Variants in IL12RB2 observed in about 807,000 individuals in gnomAD.
The protein encoded by IL12RB2 is interleukin-12 receptor subunit beta-2.
IL12RB2 carries 82 observed loss-of-function variants against 89.4 expected under a neutral mutation model. The ratio of observed to expected loss-of-function variants is 0.92; its 90% confidence interval spans 0.77 to 1.10. The LOEUF is 1.10. Among genes scored for constraint, IL12RB2 ranks in the 50% least tolerant of loss-of-function variants. The pLI, the probability that IL12RB2 is intolerant of heterozygous loss-of-function variation, is 0.00. For missense variants in IL12RB2, 963 were observed against 1,031.9 expected, an observed-to-expected ratio of 0.93 and a Z score of 0.92; for synonymous variants, 368 against 370.1, an observed-to-expected ratio of 0.99 and a Z score of 0.07.
chr1:67,341,223 TC>T (rs1351388632), intron 9 of IL12RB2, among the ~76,000 whole-genome samples: 5 of 151,942 alleles, frequency 3.3e-5, no homozygotes, highest in Non-Finnish European at 7.4e-5. Flanking sequence ...TTTGAGACCA[TC>T]CTGGCAGACA....
At chr1:67,382,721 T>TTTC (rs1426492979) in intron 14 of IL12RB2, among the ~76,000 whole-genome samples, 1 of 151,590 alleles carries the variant, frequency 6.6e-6, no homozygotes, top group Non-Finnish European at 1.5e-5. Flanking sequence ...TTTTTTTTTT[T>TTTC]TTGAGACAGG....
chr1:67,310,801 T>C (rs1654947795), intron 1 of IL12RB2, among the ~76,000 whole-genome samples: 1 of 152,218 alleles, frequency 6.6e-6, no homozygotes, highest in Non-Finnish European at 1.5e-5. Context: ...CTTGGCTCAC[T>C]GCAACCTCTG....
At chr1:67,312,995 A>G (rs1655285341) in intron 1 of IL12RB2, among the ~76,000 whole-genome samples, 1 of 152,268 alleles carries the variant, frequency 6.6e-6, no homozygotes, top group Non-Finnish European at 1.5e-5. Context: ...CCTTCAAGCC[A>G]TTTACCATGA....
chr1:67,367,422 A>G (rs2100979928), intron 10 of IL12RB2, among the ~76,000 whole-genome samples: 1 of 147,990 alleles, frequency 6.8e-6, no homozygotes, highest in East Asian at 2.0e-4. Context: ...GAGAGAGAGA[A>G]GAAAAAGAAA....
chr1:67,358,525 A>G (rs1300823266), intron 10 of IL12RB2, among the ~76,000 whole-genome samples: 1 of 152,266 alleles, frequency 6.6e-6, no homozygotes, highest in Non-Finnish European at 1.5e-5. Context: ...GCAGTGAGCC[A>G]AGATTGTGCC....
At chr1:67,332,513 C>A (rs1658228466) in intron 8 of IL12RB2, among the ~76,000 whole-genome samples, 1 of 152,118 alleles carries the variant, frequency 6.6e-6, no homozygotes, top group Non-Finnish European at 1.5e-5. Flanking sequence ...TAAAAATTGT[C>A]TAAAAGTGAA....
chr1:67,374,028 T>G (rs1344944686), intron 13 of IL12RB2, among the ~76,000 whole-genome samples: 2 of 152,158 alleles, frequency 1.3e-5, no homozygotes, highest in Non-Finnish European at 2.9e-5. Context: ...CCCTTCACAC[T>G]TAGGCTGTTA....
rs11449571 is a variant in IL12RB2, at chr1:67,337,901, T to TAAAAAAAAA, written c.959-715_959-707dup. On this transcript the variant is annotated intron_variant, in intron 8 of 16. Transcript: ENST00000674203. ...GTTGAGAATTCTTTCTGCATTCTAG[T>TAAAAAAAAA]AAAAAAAAAAAAAAAAGAAAAGAAA... 3.8e-5 allele frequency among the ~76,000 whole-genome samples: 5 copies of TAAAAAAAAA among 132,302 alleles called. No homozygotes were observed. The Admixed American group carries it at 3.8e-4, about 10-fold the overall frequency. 86.8% of individuals were successfully genotyped at this position (132,302 alleles called of 152,430 possible). A position where few individuals can be genotyped will look rare whatever the true frequency, so the allele number is the denominator to read the frequency against.
intron 15 of IL12RB2, 67 bp downstream of exon 15, chr1:67,386,736 C>T (rs1026585389): frequency 9.4e-7 from 1 of 1,061,732 alleles, no homozygotes; most frequent in Admixed American, 1.7e-5. Flanking sequence ...CTGTTGCTGC[C>T]ATGGGTCAGG....
chr1:67,335,636 CT>C (rs765563595), intron 8 of IL12RB2, among the ~76,000 whole-genome samples: 13 of 151,376 alleles, frequency 8.6e-5, no homozygotes, highest in Admixed American at 2.0e-4. Context: ...TGGCCTTTGG[CT>C]TTTTTTTTCT....
At chr1:67,354,668 G>A (rs1384439457) in intron 10 of IL12RB2, among the ~76,000 whole-genome samples, 1 of 152,220 alleles carries the variant, frequency 6.6e-6, no homozygotes, top group Non-Finnish European at 1.5e-5. Context: ...AGGACCTGGA[G>A]AACAAATTGG....
At chr1:67,315,185 T>A (rs1315934520) in intron 2 of IL12RB2, among the ~76,000 whole-genome samples, 2 of 152,092 alleles carry the variant, frequency 1.3e-5, no homozygotes, top group East Asian at 3.8e-4. Flanking sequence ...TTCATATAAA[T>A]ATGTATGTTT....
At chr1:67,310,209 A>T (rs866705295) in intron 1 of IL12RB2, among the ~76,000 whole-genome samples, 5 of 149,244 alleles carry the variant, frequency 3.4e-5, no homozygotes, top group African/African-American at 1.0e-4. Context: ...AAAAAAAAAA[A>T]GCCAAATCCC....
chr1:67,339,069 C>G (rs766759962), intron 9 of IL12RB2, among the ~76,000 whole-genome samples: 2 of 151,424 alleles, frequency 1.3e-5, no homozygotes, highest in Admixed American at 6.6e-5. Context: ...CTTATTCACT[C>G]TTTGGGAAAC....
At chr1:67,324,560 T>A (rs1657036019) in intron 4 of IL12RB2, among the ~76,000 whole-genome samples, 1 of 151,952 alleles carries the variant, frequency 6.6e-6, no homozygotes, top group Admixed American at 6.6e-5. Context: ...TTCACCATGT[T>A]ACCCAGGCTC....
At chr1:67,340,179 T>A (rs1356707807) in intron 9 of IL12RB2, among the ~76,000 whole-genome samples, 2 of 152,196 alleles carry the variant, frequency 1.3e-5, no homozygotes, top group African/African-American at 4.8e-5. Flanking sequence ...ACGTCTGGTA[T>A]AAGAAGAGAC....
chr1:67,352,349 C>A (rs1003703318), intron 10 of IL12RB2, among the ~76,000 whole-genome samples: 1 of 152,190 alleles, frequency 6.6e-6, no homozygotes, highest in Non-Finnish European at 1.5e-5. Flanking sequence ...CCTCATGATG[C>A]CATCAGGGCT....
intron 2 of IL12RB2, 119 bp from the exon 3 acceptor site, chr1:67,320,214 T>C: frequency 6.8e-7 from 1 of 1,474,890 alleles, no homozygotes; most frequent in South Asian, 1.3e-5. Context: ...TTTTTTAAAA[T>C]AACAAGATCT....
intron 11 of IL12RB2, among the ~76,000 whole-genome samples, chr1:67,371,845 T>G (rs1442900142): frequency 6.6e-6 from 1 of 151,956 alleles, no homozygotes; most frequent in Non-Finnish European, 1.5e-5. Flanking sequence ...TAACAAGGGG[T>G]CGGATTGCAC....
Sources: gnomAD v4.1 joint callset for allele counts (sites outside exome capture counted in the v4.1 genomes callset) on GRCh38, gnomAD v4.1.1 for gene constraint, MANE v1.5 for transcripts, NCBI Gene and HGNC (gene_info 2026-07-23, HGNC 2026-07-21) for gene names.